Variants in CNTNAP2 observed in about 807,000 individuals in gnomAD.
CNTNAP2 encodes the protein contactin-associated protein-like 2.
Under a neutral mutation model 155.2 loss-of-function variants are expected in CNTNAP2, and 98 were observed. The observed-to-expected ratio is 0.63, with a 90% CI of 0.54 to 0.75. CNTNAP2 has a LOEUF of 0.75. Ranked by LOEUF, CNTNAP2 falls within the 30% of genes least tolerant of loss-of-function variation. The pLI is 0.00. For missense variants in CNTNAP2, 1,727 were observed against 1,688.1 expected (o/e 1.02, Z -0.40); for synonymous variants, 651 against 631.2 (o/e 1.03, Z -0.47).
chr7:146,278,663 G>C (rs532519873), intron 1 of CNTNAP2, among the ~76,000 whole-genome samples: 3 of 152,282 alleles, frequency 2.0e-5, no homozygotes, highest in Admixed American at 2.0e-4. Context: ...AGTATGTCTT[G>C]AAGGTATCAT....
chr7:146,796,396 G>T (rs766953165), intron 2 of CNTNAP2, among the ~76,000 whole-genome samples: 1 of 152,092 alleles, frequency 6.6e-6, no homozygotes, highest in Non-Finnish European at 1.5e-5. Context: ...GAGGGTGAGC[G>T]GCTGTAAAAT....
chr7:146,394,499 T>A lies in CNTNAP2; in HGVS notation c.97+277526T>A, dbSNP rs976567013. Among the ~76,000 whole-genome samples, 202 of 81,520 alleles carry A rather than the reference T, an allele frequency of 2.5e-3. 1 individual carries two copies. Among genetic ancestry groups the A allele is most frequent in the African/African-American group, 7.8e-3 (194 of 24,862 alleles). The allele number at this position is 81,520 out of a possible 152,430, so 53.5% of individuals were successfully genotyped here. Reference sequence around the variant, plus strand: ...GAGACTGTGAAATTTGGATAGAATGTTTTATTTCTCATTACTGTTTACAGA... The same window carrying A: ...GAGACTGTGAAATTTGGATAGAATGATTTATTTCTCATTACTGTTTACAGA... On this transcript the variant is annotated intron_variant, in intron 1 of 23. Transcript: ENST00000361727.
At chr7:148,409,540 T>C (rs1799779336) in intron 23 of CNTNAP2, 69 bp downstream of exon 23, 1 of 1,384,968 alleles carries the variant, frequency 7.2e-7, no homozygotes, top group Non-Finnish European at 1.0e-6. Context: ...GTCAATAACA[T>C]AGTAGTCTAG....
chr7:147,311,443 T>C (rs538117945), intron 9 of CNTNAP2, among the ~76,000 whole-genome samples: 33 of 152,294 alleles, frequency 2.2e-4, no homozygotes, highest in African/African-American at 7.2e-4. Context: ...GTTAGAATCC[T>C]GTGTCAGAAA....
intron 9 of CNTNAP2, among the ~76,000 whole-genome samples, chr7:147,370,646 T>C (rs1288340017): frequency 1.3e-5 from 2 of 152,152 alleles, no homozygotes; most frequent in East Asian, 1.9e-4. Context: ...TGTAAGACAA[T>C]ATGCCTAATA....
At chr7:146,446,122 G>A (rs1008611245) in intron 1 of CNTNAP2, among the ~76,000 whole-genome samples, 2 of 152,150 alleles carry the variant, frequency 1.3e-5, no homozygotes, top group Non-Finnish European at 2.9e-5. Flanking sequence ...CTGAAGGCAA[G>A]ATTGCCCCAA....
intron 13 of CNTNAP2, among the ~76,000 whole-genome samples, chr7:147,891,723 G>A (rs537165925): frequency 6.6e-6 from 1 of 152,066 alleles, no homozygotes; most frequent in African/African-American, 2.4e-5. Context: ...TTATAGAAAT[G>A]GATATAAGAA....
At chr7:147,433,623 C>G (rs968442400) in intron 10 of CNTNAP2, among the ~76,000 whole-genome samples, 1 of 152,058 alleles carries the variant, frequency 6.6e-6, no homozygotes, top group African/African-American at 2.4e-5. Flanking sequence ...AATTTTCCAC[C>G]TATTTTAGGA....
intron 4 of CNTNAP2, among the ~76,000 whole-genome samples, chr7:147,085,474 T>C (rs1800256130): frequency 6.6e-6 from 1 of 152,152 alleles, no homozygotes; most frequent in Non-Finnish European, 1.5e-5. Context: ...GAGAATCTAG[T>C]GCCTGATGAT....
intron 21 of CNTNAP2, among the ~76,000 whole-genome samples, chr7:148,370,463 C>T (rs1272961471): frequency 2.0e-5 from 3 of 152,196 alleles, no homozygotes; most frequent in Non-Finnish European, 4.4e-5. Flanking sequence ...CAGGCTGTTT[C>T]TTTTCTGGAT....
rs796329041 is a variant in CNTNAP2 at position 148,101,174 on chromosome 7, C to T, written c.2384-16944C>T. Among the ~76,000 whole-genome samples the T allele has an allele frequency of 3.3e-5, 5 of 151,518 alleles. 1 individual carries two copies. Among genetic ancestry groups the T allele is most frequent in the African/African-American group, 1.2e-4 (5 of 41,276 alleles). ...GGGAGGGATAGCATTAGGAGTAATA[C>T]CTAATGCTAAATGACGAGTTCATGG... On this transcript the variant is annotated intron_variant, in intron 15 of 23. Coordinates refer to ENST00000361727, the MANE Select transcript of CNTNAP2 (RefSeq NM_014141.6).
intron 13 of CNTNAP2, among the ~76,000 whole-genome samples, chr7:147,867,714 A>T (rs773453668): frequency 6.6e-6 from 1 of 152,074 alleles, no homozygotes. Flanking sequence ...TCAGTCACTA[A>T]TAACCTTTCT....
At chr7:148,405,446 T>TTTTTTTTTTTTTTTTTTTG (rs1799678093) in intron 22 of CNTNAP2, among the ~76,000 whole-genome samples, 3 of 70,138 alleles carry the variant, frequency 4.3e-5, no homozygotes, top group African/African-American at 1.1e-4. Flanking sequence ...TTTTTTTTTT[T>TTTTTTTTTTTTTTTTTTTG]GAGACGGAGT....
intron 1 of CNTNAP2, among the ~76,000 whole-genome samples, chr7:146,625,711 A>G (rs1340224746): frequency 6.6e-6 from 1 of 152,114 alleles, no homozygotes; most frequent in Non-Finnish European, 1.5e-5. Context: ...TAACATGCCA[A>G]CAAAAGGTTG....
chr7:146,931,971 G>C (rs1185267217), intron 3 of CNTNAP2, among the ~76,000 whole-genome samples: 1 of 151,556 alleles, frequency 6.6e-6, no homozygotes, highest in African/African-American at 2.4e-5. Flanking sequence ...AAAGAGTCCA[G>C]GACCAGATGG....
chr7:146,971,284 G>A (rs1207282905), intron 3 of CNTNAP2, among the ~76,000 whole-genome samples: 2 of 152,024 alleles, frequency 1.3e-5, no homozygotes, highest in Non-Finnish European at 2.9e-5. Context: ...CTTAATAAAT[G>A]TTGACCTCTG....
At position 146,910,778 on chromosome 7, in the gene CNTNAP2, T is replaced by G. The variant is rs1287795408; in HGVS notation, c.402+70874T>G. Among the ~76,000 whole-genome samples the G allele has an allele frequency of 7.3e-4, 108 of 148,302 alleles. 5 individuals carry two copies. Among genetic ancestry groups the G allele is most frequent in the African/African-American group, 1.3e-4 (5 of 39,790 alleles). On this transcript the variant is annotated intron_variant, in intron 3 of 23. Transcript: ENST00000361727. ...TTCATGTCTAAAACACCAAAAGCAATGGCAACAAAAGCCAAAATTGACAAA... is the reference window on the plus strand; with the variant it reads ...TTCATGTCTAAAACACCAAAAGCAAGGGCAACAAAAGCCAAAATTGACAAA...
intron 1 of CNTNAP2, among the ~76,000 whole-genome samples, chr7:146,550,230 G>A (rs1584976877): frequency 1.3e-5 from 2 of 151,792 alleles, no homozygotes; most frequent in African/African-American, 4.8e-5. Context: ...GTACCTAAGG[G>A]TCACCGATCT....
intron 1 of CNTNAP2, among the ~76,000 whole-genome samples, chr7:146,503,344 C>T (rs909727243): frequency 6.6e-6 from 1 of 152,122 alleles, no homozygotes; most frequent in Non-Finnish European, 1.5e-5. Context: ...GAATATGGCC[C>T]AGTACAAATT....
Sources: gnomAD v4.1 joint callset for allele counts (sites outside exome capture counted in the v4.1 genomes callset) on GRCh38, gnomAD v4.1.1 for gene constraint, MANE v1.5 for transcripts, NCBI Gene and HGNC (gene_info 2026-07-23, HGNC 2026-07-21) for gene names.